Variants in NEBL observed in about 807,000 individuals in gnomAD.
NEBL encodes the protein nebulette.
A neutral mutation model predicts 140.2 loss-of-function variants in NEBL; 122 were observed. The ratio of observed to expected loss-of-function variants is 0.87; its 90% CI spans 0.75 to 1.01. NEBL has a LOEUF of 1.01. NEBL is among the 50% of genes least tolerant of loss of function. The pLI is 0.00. For missense variants in NEBL, 1,365 were observed against 1,231.3 expected (o/e 1.11, Z -1.62); for synonymous variants, 436 against 398.9 (o/e 1.09, Z -1.11).
chr10:21,268,387 G>A (rs1842823093), intron 1 of NEBL, among the ~76,000 whole-genome samples: 1 of 152,170 alleles, frequency 6.6e-6, no homozygotes, highest in Non-Finnish European at 1.5e-5. Context: ...GGAGGCTAAG[G>A]CAGGAGGATC....
chr10:21,152,300 G>A (rs879392996), intron 2 of NEBL, among the ~76,000 whole-genome samples: 19 of 152,114 alleles, frequency 1.2e-4, no homozygotes, highest in Admixed American at 4.6e-4. Context: ...GGACAGTGAC[G>A]CCAGTGTAAT....
chr10:20,827,592 T>C (rs1282267077), intron 17 of NEBL, among the ~76,000 whole-genome samples: 1 of 152,236 alleles, frequency 6.6e-6, no homozygotes, highest in African/African-American at 2.4e-5. Flanking sequence ...AAGTCAAGTT[T>C]ATACATTTAT....
intron 3 of NEBL, among the ~76,000 whole-genome samples, chr10:21,182,760 T>A (rs1483999799): frequency 6.6e-6 from 1 of 152,196 alleles, no homozygotes; most frequent in African/African-American, 2.4e-5. Context: ...TAAAAAGTAA[T>A]AAGAAACAAG....
intron 4 of NEBL, among the ~76,000 whole-genome samples, chr10:20,952,593 T>C (rs979566908): frequency 1.3e-5 from 2 of 152,008 alleles, no homozygotes; most frequent in South Asian, 2.1e-4. Context: ...GGTAGTATTA[T>C]CTAGCTTCAC....
intron 14 of NEBL, among the ~76,000 whole-genome samples, chr10:20,834,770 C>A (rs1286812127): frequency 6.6e-6 from 1 of 152,184 alleles, no homozygotes; most frequent in Non-Finnish European, 1.5e-5. Flanking sequence ...CTTCTTTACT[C>A]CAGTGATCCT....
At position 20,891,741 on chromosome 10, in the gene NEBL, T is replaced by G. The variant is rs553152395; in HGVS notation, c.154-1792A>C. ...CATATTTGTATATTTTAAATGAAGG[T>G]GTATTTAAAATTTAAGATCCTTTAC... On this transcript the variant is annotated intron_variant, in intron 2 of 27. Coordinates refer to ENST00000377122, the MANE Select transcript of NEBL (RefSeq NM_006393.3). 2.6e-5 allele frequency among the ~76,000 whole-genome samples: 4 copies of G among 152,338 alleles called. No individual in the cohort carries two copies. In the South Asian group the frequency reaches 8.3e-4, roughly 32 times the overall value.
chr10:21,095,064 G>C (rs1837120876), intron 2 of NEBL, among the ~76,000 whole-genome samples: 2 of 152,180 alleles, frequency 1.3e-5, no homozygotes, highest in Non-Finnish European at 1.5e-5. Context: ...ATCCCATTGA[G>C]AACTCACTTA....
chr10:21,164,542 C>T (rs1003995105), intron 2 of NEBL, among the ~76,000 whole-genome samples: 3 of 152,204 alleles, frequency 2.0e-5, no homozygotes, highest in Admixed American at 2.0e-4. Flanking sequence ...TGCTGAGCTT[C>T]ATCTCAAAAT....
chr10:20,920,123 T>G (rs984095779), intron 4 of NEBL, among the ~76,000 whole-genome samples: 1 of 152,180 alleles, frequency 6.6e-6, no homozygotes, highest in South Asian at 2.1e-4. Context: ...CCTTTCAAAT[T>G]AGCAAAAACT....
intron 1 of NEBL, among the ~76,000 whole-genome samples, chr10:21,279,347 G>A (rs1036327328): frequency 2.0e-5 from 3 of 147,596 alleles, no homozygotes; most frequent in African/African-American, 7.6e-5. Flanking sequence ...GCCTAGGGTG[G>A]AGTGCAGTGG....
intron 4 of NEBL, among the ~76,000 whole-genome samples, chr10:20,949,294 T>A (rs1835330215): frequency 6.6e-6 from 1 of 151,820 alleles, no homozygotes; most frequent in Non-Finnish European, 1.5e-5. Context: ...TAGGGCCTGT[T>A]GGGGGATGGG....
At chr10:20,983,562 T>C (rs919046196) in intron 3 of NEBL, among the ~76,000 whole-genome samples, 1 of 152,242 alleles carries the variant, frequency 6.6e-6, no homozygotes, top group African/African-American at 2.4e-5. Context: ...TTGCAAATCG[T>C]TGTACCCAAA....
rs1053177798 is a variant in NEBL, at chr10:20,783,172, G to A, written c.*2575C>T. ...GAAAGTGGAAAAGTTGTTCAGGCAT[G>A]TCATTTTTTTTTAAATGATGCTTTT... is the stretch of plus-strand genomic sequence containing the variant. On this transcript the variant is annotated 3_prime_UTR_variant, in exon 28 of 28. Coordinates refer to ENST00000377122, the MANE Select transcript of NEBL (RefSeq NM_006393.3). 7 of 151,876 alleles carry A rather than the reference G, an allele frequency of 4.6e-5. No homozygotes were observed. Among genetic ancestry groups the A allele is most frequent in the Non-Finnish European group, 8.8e-5 (6 of 68,022 alleles). The allele number at this position is 151,876 out of a possible 1,614,324, so 9.4% of individuals were successfully genotyped here.
chr10:20,841,275 G>GT lies in NEBL; in HGVS notation c.1228-427dup, dbSNP rs748210724. 391 of 168,572 alleles carry GT rather than the reference G, an allele frequency of 2.3e-3. 2 individuals carry two copies. The highest frequency in any genetic ancestry group is 4.0e-3 in the Non-Finnish European group (315 of 78,006). The allele number at this position is 168,572 out of a possible 1,614,324, so 10.4% of individuals were successfully genotyped here. A position where few individuals can be genotyped will look rare whatever the true frequency, so the allele number is the denominator to read the frequency against. ...ATCAAAAGGAGTGATGTAGCCAAAGGTTTTTTTTAAAGTTTAAAAAGTGAG... is the reference window on the plus strand; with the variant it reads ...ATCAAAAGGAGTGATGTAGCCAAAGGTTTTTTTTTAAAGTTTAAAAAGTGAG... On this transcript the variant is annotated intron_variant, in intron 12 of 27. Transcript: ENST00000377122.
In NEBL at chr10:21,048,916, G is replaced by T. The variant is rs1456587941; in HGVS notation, c.165-28715C>A. Among the ~76,000 whole-genome samples the T allele has an allele frequency of 2.0e-5, 3 of 152,120 alleles. 1 individual carries two copies. The East Asian group carries it at 5.8e-4, about 29-fold the overall frequency. On this transcript the variant is annotated intron_variant, in intron 2 of 6. Coordinates refer to the NEBL transcript ENST00000417816. Reference sequence around the variant, plus strand: ...CCGAGGTACTCAGGAGGCTGAGGCAGGGAGAATTGCTTGAACCCGGGAGGT... The same window carrying T: ...CCGAGGTACTCAGGAGGCTGAGGCATGGAGAATTGCTTGAACCCGGGAGGT...
At chr10:20,910,841 T>G (rs200786173) in intron 4 of NEBL, among the ~76,000 whole-genome samples, 1 of 138,780 alleles carries the variant, frequency 7.2e-6, no homozygotes, top group South Asian at 2.3e-4. Context: ...TTTTTTTTTT[T>G]GGCCAAAGGG....
intron 3 of NEBL, among the ~76,000 whole-genome samples, chr10:21,228,303 A>G (rs898376933): frequency 1.3e-5 from 2 of 151,866 alleles, no homozygotes; most frequent in Non-Finnish European, 2.9e-5. Context: ...ACAGGTAAAA[A>G]CCACCACACC....
chr10:21,104,645 C>T (rs1271785402), intron 2 of NEBL, among the ~76,000 whole-genome samples: 2 of 152,052 alleles, frequency 1.3e-5, no homozygotes, highest in African/African-American at 4.8e-5. Context: ...CTACGATTAT[C>T]CACATAGACA....
chr10:20,908,941 C>T (rs1013302876), intron 4 of NEBL, among the ~76,000 whole-genome samples: 1 of 152,114 alleles, frequency 6.6e-6, no homozygotes, highest in Non-Finnish European at 1.5e-5. Flanking sequence ...ATTTGTGCTA[C>T]ACTTTTTGTA....
Sources: allele counts gnomAD v4.1 joint callset (sites outside exome capture counted in the v4.1 genomes callset), GRCh38; gene constraint gnomAD v4.1.1; transcripts MANE v1.5; gene names NCBI Gene and HGNC (gene_info 2026-07-23, HGNC 2026-07-21).